Variants in CSNK1G3 observed in about 807,000 individuals in gnomAD.
CSNK1G3 encodes casein kinase I isoform gamma-3.
In CSNK1G3, 23 loss-of-function variants were observed where a neutral mutation model predicts 64.3. The observed-to-expected ratio is 0.36, with a 90% CI of 0.26 to 0.51. The LOEUF (loss-of-function observed/expected upper bound fraction) is 0.51, where lower values mean the gene tolerates loss of function less well. Ranked by LOEUF, CSNK1G3 falls within the 20% of genes least tolerant of loss-of-function variation. CSNK1G3 has a pLI of 0.96. For missense variants in CSNK1G3, 357 were observed against 510.5 expected, an observed-to-expected ratio of 0.70 and a Z score of 2.90; for synonymous variants, 158 against 162.2, an observed-to-expected ratio of 0.97 and a Z score of 0.20.
chr5:123,528,520 A>T (rs1025518245), intron 1 of CSNK1G3, among the ~76,000 whole-genome samples: 1 of 152,202 alleles, frequency 6.6e-6, no homozygotes, highest in African/African-American at 2.4e-5. Context: ...CAAATGGAGT[A>T]TCTTAAGGTT....
rs1423852582 is a variant in CSNK1G3 at position 123,512,580 on chromosome 5, C to A, written c.-248+10C>A. 6.6e-6 allele frequency: 1 copy of A among 151,114 alleles called. No individual in the cohort carries two copies. The highest frequency in any genetic ancestry group is 2.4e-5 in the African/African-American group (1 of 41,298). 9.4% of individuals were successfully genotyped at this position (151,114 alleles called of 1,614,324 possible). On this transcript the variant is annotated intron_variant, in intron 1 of 12. Transcript: ENST00000345990. The stretch of plus-strand genomic sequence containing the variant: ...CGGCCGCGCCTTTGAGGTAAAGCCC[C>A]CTGCGCGTAGGTGCTCCGCTGCCAG...
At chr5:123,567,460 G>A (rs1166751625) in intron 4 of CSNK1G3, among the ~76,000 whole-genome samples, 1 of 152,170 alleles carries the variant, frequency 6.6e-6, no homozygotes, top group Non-Finnish European at 1.5e-5. Context: ...AAAAAGATTA[G>A]CTGGGCGTGG....
intron 12 of CSNK1G3, among the ~76,000 whole-genome samples, chr5:123,613,716 T>A (rs1748944053): frequency 6.6e-6 from 1 of 152,140 alleles, no homozygotes. Context: ...TTATATTTTT[T>A]TGCATATACA....
chr5:123,552,991 G>A, intron 2 of CSNK1G3, 116 bp from the exon 3 acceptor site: 2 of 531,302 alleles, frequency 3.8e-6, no homozygotes, highest in Non-Finnish European at 6.6e-6. Context: ...CCAAATAGAA[G>A]CAAAAACCTA....
intron 9 of CSNK1G3, among the ~76,000 whole-genome samples, chr5:123,590,886 G>A (rs974673343): frequency 2.0e-5 from 3 of 151,778 alleles, no homozygotes; most frequent in African/African-American, 7.3e-5. Context: ...ATTAAAATTT[G>A]TATGAGTCTC....
intron 1 of CSNK1G3, among the ~76,000 whole-genome samples, chr5:123,542,816 T>C (rs1781882806): frequency 6.6e-6 from 1 of 151,520 alleles, no homozygotes; most frequent in South Asian, 2.1e-4. Flanking sequence ...TTCAAATTTT[T>C]GGATTTTAGC....
chr5:123,526,868 G>GTA (rs1448341942), intron 1 of CSNK1G3, among the ~76,000 whole-genome samples: 5 of 126,294 alleles, frequency 4.0e-5, no homozygotes, highest in African/African-American at 9.6e-5. Flanking sequence ...GTGTGTGTGT[G>GTA]TGTGTGTGTG....
chr5:123,533,822 A>C (rs868650476), intron 1 of CSNK1G3, among the ~76,000 whole-genome samples: 10 of 144,036 alleles, frequency 6.9e-5, no homozygotes, highest in Admixed American at 2.1e-4. Context: ...TCTTTTTTTT[A>C]TTTTTTATTT....
chr5:123,537,154 C>G (rs1780972384), intron 1 of CSNK1G3, among the ~76,000 whole-genome samples: 2 of 152,116 alleles, frequency 1.3e-5, no homozygotes, highest in South Asian at 4.1e-4. Context: ...TATGGCAGCA[C>G]TGTTCACAAT....
At chr5:123,582,816 T>G (rs1790555963) in intron 6 of CSNK1G3, among the ~76,000 whole-genome samples, 2 of 152,188 alleles carry the variant, frequency 1.3e-5, no homozygotes, top group African/African-American at 4.8e-5. Context: ...TGTTCTTTAG[T>G]TACTGTGTTT....
chr5:123,542,577 C>CT (rs1781844791), intron 1 of CSNK1G3, among the ~76,000 whole-genome samples: 2 of 152,054 alleles, frequency 1.3e-5, no homozygotes, highest in Non-Finnish European at 1.5e-5. Flanking sequence ...CCAAAAATGG[C>CT]TTTTTTTCTC....
chr5:123,557,818 C>A (rs911701079), intron 4 of CSNK1G3, among the ~76,000 whole-genome samples: 2 of 152,046 alleles, frequency 1.3e-5, no homozygotes, highest in African/African-American at 2.4e-5. Context: ...ATACTTCTTC[C>A]ATATTCTTAG....
Position 123,545,847 on chromosome 5 carries a change from A to G in CSNK1G3, c.178+6A>G. 6.2e-7 allele frequency: 1 copy of G among 1,608,798 alleles called. No individual in the cohort carries two copies. The highest frequency in any genetic ancestry group is 8.5e-7 in the Non-Finnish European group (1 of 1,175,476). ...TTTTGGAGAATTACGATTAGGTAAGACTATTTTGTTTATTCCATTATGTTA... is the reference window on the plus strand; with the variant it reads ...TTTTGGAGAATTACGATTAGGTAAGGCTATTTTGTTTATTCCATTATGTTA... On this transcript the variant is annotated splice_donor_region_variant and intron_variant, in intron 2 of 12. Transcript: ENST00000345990.
chr5:123,573,897 C>T (rs955884486), intron 5 of CSNK1G3, among the ~76,000 whole-genome samples: 34 of 144,292 alleles, frequency 2.4e-4, no homozygotes, highest in Admixed American at 5.0e-4. Flanking sequence ...TTGTCCAGGG[C>T]GGAGAGCGGT....
chr5:123,608,612 T>G (rs1941107230), intron 12 of CSNK1G3, among the ~76,000 whole-genome samples: 1 of 152,202 alleles, frequency 6.6e-6, no homozygotes, highest in African/African-American at 2.4e-5. Context: ...GTGATGATTA[T>G]TAAGGTATGT....
chr5:123,514,094 A>AG (rs1316798935), intron 1 of CSNK1G3, among the ~76,000 whole-genome samples: 2 of 152,240 alleles, frequency 1.3e-5, no homozygotes, highest in Non-Finnish European at 2.9e-5. Flanking sequence ...TCTTAGCAGA[A>AG]TGTACAGACA....
chr5:123,615,973 T>C (rs1430015547), exon 13 of CSNK1G3: 2 of 152,186 alleles, frequency 1.3e-5, no homozygotes, highest in East Asian at 3.8e-4. Context: ...AATTTATTTT[T>C]CTTATTAGCC....
chr5:123,573,404 C>A, exon 5 of CSNK1G3: 1 of 1,613,784 alleles, frequency 6.2e-7, no homozygotes, highest in Non-Finnish European at 8.5e-7. Context: ...TGGTATACCT[C>A]AAGTTTACTA....
rs752786063 is a variant in CSNK1G3, at chr5:123,545,654, C to G, written c.-10C>G. On this transcript the variant is annotated 5_prime_UTR_variant, in exon 2 of 13. Transcript: ENST00000345990. ...TTAAAGAATTCAAAGTGGAGTACCG[C>G]AAACTTGATATGGAAAATAAAAAGA... 1.7e-5 allele frequency: 28 copies of G among 1,609,534 alleles called. No individual in the cohort carries two copies. In the Middle Eastern group the frequency reaches 5.0e-4, roughly 29 times the overall value.
Sources: allele counts gnomAD v4.1 joint callset (sites outside exome capture counted in the v4.1 genomes callset), GRCh38; gene constraint gnomAD v4.1.1; transcripts MANE v1.5; gene names NCBI Gene and HGNC (gene_info 2026-07-23, HGNC 2026-07-21).